Variants in LRRK2 observed in about 807,000 individuals in gnomAD.
LRRK2 encodes the protein leucine rich repeat kinase 2.
Under a neutral mutation model 302.6 loss-of-function variants are expected in LRRK2, and 203 were observed. The observed-to-expected ratio is 0.67, with a 90% CI of 0.60 to 0.75. The LOEUF is 0.75. LRRK2 is among the 30% of genes least tolerant of loss of function. The pLI is 0.00. For synonymous variants in LRRK2, 1,066 were observed against 1,031.9 expected, an observed-to-expected ratio of 1.03 and a Z score of -0.63; for missense variants, 2,830 against 2,951.0, an observed-to-expected ratio of 0.96 and a Z score of 0.95.
intron 33 of LRRK2, among the ~76,000 whole-genome samples, chr12:40,315,757 G>A (rs890059615): frequency 1.3e-5 from 2 of 152,002 alleles, no homozygotes; most frequent in Admixed American, 1.3e-4. Flanking sequence ...GAAAACTTTG[G>A]ATGGCCTTGG....
intron 18 of LRRK2, among the ~76,000 whole-genome samples, chr12:40,279,225 T>TTTTTTTTTTTTTTTTTTTTTTTGAGACGG (rs1943587148): frequency 2.0e-5 from 3 of 148,064 alleles, no homozygotes; most frequent in Admixed American, 6.8e-5. Context: ...GTTTACTTTT[T>TTTTTTTTTTTTTTTTTTTTTTTGAGACGG]AAACCTTACT....
chr12:40,303,936 G>A lies in LRRK2; in HGVS notation c.3591-12G>A. The A allele has an allele frequency of 6.2e-7, 1 of 1,612,866 alleles. No individual in the cohort carries two copies. The highest frequency in any genetic ancestry group is 1.1e-5 in the South Asian group (1 of 91,068). On this transcript the variant is annotated splice_polypyrimidine_tract_variant and intron_variant, in intron 26 of 50. Transcript: ENST00000298910. ...CTCATTTGGTTTATGTCTTTTCTGT[G>A]TATTGTTTTAGCTTGCGGTCTTTAG...
intron 31 of LRRK2, 74 bp downstream of exon 31, chr12:40,310,723 A>C: frequency 7.0e-7 from 1 of 1,438,686 alleles, no homozygotes; most frequent in Non-Finnish European, 9.8e-7. Context: ...AATTTTGAGA[A>C]GTGAGCAACT....
intron 5 of LRRK2, among the ~76,000 whole-genome samples, chr12:40,239,076 G>T (rs1204897433): frequency 6.6e-6 from 1 of 152,126 alleles, no homozygotes; most frequent in Non-Finnish European, 1.5e-5. Flanking sequence ...TGGTTACAAA[G>T]TTCCTTAAGA....
chr12:40,366,075 G>C (rs149279971), intron 49 of LRRK2: 2 of 151,946 alleles, frequency 1.3e-5, no homozygotes, highest in East Asian at 1.9e-4. Context: ...TTAAAATAAA[G>C]ATCAATTGGA....
At chr12:40,237,168 T>C (rs918388300) in intron 4 of LRRK2, among the ~76,000 whole-genome samples, 3 of 151,952 alleles carry the variant, frequency 2.0e-5, no homozygotes, top group African/African-American at 4.8e-5. Flanking sequence ...GTGAAGACAA[T>C]GTGCGGAAGG....
intron 41 of LRRK2, 145 bp from the exon 42 acceptor site, chr12:40,346,608 G>C: frequency 1.3e-6 from 1 of 742,106 alleles, no homozygotes; most frequent in South Asian, 1.7e-5. Context: ...ACTTGATCAA[G>C]GTACCTTGTT....
intron 41 of LRRK2, among the ~76,000 whole-genome samples, 161 bp downstream of exon 41, chr12:40,340,615 T>C (rs191658366): frequency 2.8e-4 from 42 of 152,370 alleles, no homozygotes; most frequent in African/African-American, 9.1e-4. Flanking sequence ...ATTTTTATCA[T>C]TGTATTTTGT....
intron 39 of LRRK2, 99 bp downstream of exon 39, chr12:40,328,559 C>T (rs190096273): frequency 2.3e-6 from 2 of 877,896 alleles, no homozygotes; most frequent in African/African-American, 1.7e-5. Context: ...ATAATGACCA[C>T]ATTTCTACTT....
At chr12:40,313,891 T>A (rs1945116854) in intron 31 of LRRK2, 81 bp from the exon 32 acceptor site, 1 of 1,080,184 alleles carries the variant, frequency 9.3e-7, no homozygotes, top group African/African-American at 1.6e-5. Flanking sequence ...CTGTAAAAAC[T>A]GTTAGCACTG....
rs767573954 is a variant in LRRK2 at position 40,251,473 on chromosome 12, A to G, written c.1110A>G (p.Ala370=). 3.1e-6 allele frequency: 5 copies of G among 1,612,066 alleles called. No homozygotes were observed. Among genetic ancestry groups the G allele is most frequent in the East Asian group, 4.5e-5 (2 of 44,718 alleles). Residue 370 remains alanine, a synonymous_variant, in exon 10 of 51, where the codon GCA becomes GCG. Transcript: ENST00000298910. ...TTTCTCCCCTAATCCAGGAGGCCGC[A>G]TGCTGGGCACTAAATAATCTCCTTA... ...HRKNKHVQEA[A]CWALNNLLMY... is the part of the protein sequence containing the mutation.
chr12:40,324,372 AT>A (rs1178084172), intron 38 of LRRK2, among the ~76,000 whole-genome samples: 1 of 152,216 alleles, frequency 6.6e-6, no homozygotes, highest in Non-Finnish European at 1.5e-5. Flanking sequence ...GGTGAGAACT[AT>A]TAAAATCTAC....
In LRRK2 at chr12:40,282,055, CT is replaced by C. The variant is rs1349086240; in HGVS notation, c.2242-1818del. 2.2e-3 allele frequency among the ~76,000 whole-genome samples: 71 copies of C among 32,738 alleles called. 1 individual carries two copies. Among genetic ancestry groups the C allele is most frequent in the South Asian group, 8.1e-3 (4 of 496 alleles). 21.5% of individuals were successfully genotyped at this position (32,738 alleles called of 152,430 possible). A position where few individuals can be genotyped will look rare whatever the true frequency, so the allele number is the denominator to read the frequency against. ...CTTCCCTTCCCTTCCCTTCCCTTCC[CT>C]TCCCTTCCCTTCCCTTCCCTTCCCT... On this transcript the variant is annotated intron_variant, in intron 18 of 50. Coordinates refer to ENST00000298910, the MANE Select transcript of LRRK2 (RefSeq NM_198578.4).
intron 7 of LRRK2, among the ~76,000 whole-genome samples, chr12:40,244,263 C>A (rs957250410): frequency 2.0e-4 from 30 of 152,132 alleles, no homozygotes; most frequent in African/African-American, 7.2e-4. Flanking sequence ...GCTTTTGCTT[C>A]ATCAAAATGT....
intron 10 of LRRK2, among the ~76,000 whole-genome samples, chr12:40,252,500 AT>A (rs1415065402): frequency 1.5e-4 from 23 of 152,188 alleles, no homozygotes; most frequent in Admixed American, 1.1e-3. Context: ...TTCAATATCC[AT>A]AAGATAACTT....
chr12:40,244,358 A>C (rs978577501), intron 7 of LRRK2, among the ~76,000 whole-genome samples: 1 of 152,106 alleles, frequency 6.6e-6, no homozygotes, highest in Non-Finnish European at 1.5e-5. Context: ...ATGTGGTTGC[A>C]TGTAGTATTC....
At position 40,349,436 on chromosome 12, in the gene LRRK2, T is replaced by G. The variant is rs1341832569; in HGVS notation, c.6381+927T>G. The stretch of plus-strand genomic sequence containing the variant: ...TCTTATGAAAAACCACATTGTCGTT[T>G]GGATTGGTCTTGGATTGAATATGTT... On this transcript the variant is annotated intron_variant, in intron 43 of 50. Coordinates refer to ENST00000298910, the MANE Select transcript of LRRK2 (RefSeq NM_198578.4). Among the ~76,000 whole-genome samples the G allele has an allele frequency of 3.3e-5, 5 of 152,274 alleles. No homozygotes were observed. The East Asian group carries it at 9.6e-4, about 29-fold the overall frequency.
At chr12:40,229,489 T>G (rs1308048385) in intron 2 of LRRK2, among the ~76,000 whole-genome samples, 1 of 152,208 alleles carries the variant, frequency 6.6e-6, no homozygotes, top group Non-Finnish European at 1.5e-5. Flanking sequence ...TTTATATTTT[T>G]CTTTTCCTGC....
At chr12:40,310,997 ACT>A (rs1303757837) in intron 31 of LRRK2, among the ~76,000 whole-genome samples, 1 of 152,140 alleles carries the variant, frequency 6.6e-6, no homozygotes, top group East Asian at 1.9e-4. Context: ...AAAGGTGAAT[ACT>A]GAGGTCTTGG....
Sources: gnomAD v4.1 joint callset for allele counts (sites outside exome capture counted in the v4.1 genomes callset) on GRCh38, gnomAD v4.1.1 for gene constraint, MANE v1.5 for transcripts, NCBI Gene and HGNC (gene_info 2026-07-23, HGNC 2026-07-21) for gene names.